MEIG1: variants seen among roughly 807,000 people sequenced by gnomAD.
The protein encoded by MEIG1 is meiosis/spermiogenesis associated 1.
Under a neutral mutation model 11.3 loss-of-function variants are expected in MEIG1, and 12 were observed. The ratio of observed to expected loss-of-function variants is 1.07; its 90% CI spans 0.68 to 1.73. The LOEUF is 1.73. Ranked by LOEUF, MEIG1 falls within the 40% of genes most tolerant of loss-of-function variation. The pLI is 0.00. For synonymous variants in MEIG1, 41 were observed against 33.2 expected, an observed-to-expected ratio of 1.24 and a Z score of -0.81; for missense variants, 119 against 104.9, an observed-to-expected ratio of 1.13 and a Z score of -0.59.
intron 2 of MEIG1, 139 bp from the exon 3 acceptor site, chr10:14,972,374 C>T (rs1235020004): frequency 1.8e-6 from 2 of 1,125,288 alleles, no homozygotes; most frequent in African/African-American, 1.6e-5. Context: ...GGGTATCATA[C>T]TTTAAAAGCT....
chr10:14,981,862 G>T (rs7074147), intron 1 of MEIG1, among the ~76,000 whole-genome samples: 10,992 of 152,212 alleles, frequency 0.072, 572 homozygotes, highest in Middle Eastern at 0.13. Context: ...CTTCTTTGGG[G>T]GGACCCCTCT....
intron 1 of MEIG1, among the ~76,000 whole-genome samples, chr10:14,963,028 C>G (rs1459709284): frequency 6.8e-6 from 1 of 147,744 alleles, no homozygotes; most frequent in Non-Finnish European, 1.5e-5. Context: ...TCCCAGAGTG[C>G]TGGGATTACA....
downstream of MEIG1, among the ~76,000 whole-genome samples, chr10:14,976,607 A>G (rs1238757666): frequency 1.3e-5 from 2 of 152,044 alleles, no homozygotes; most frequent in East Asian, 1.9e-4. Context: ...TTATCGTCCT[A>G]TTCTAGGGAA....
downstream of MEIG1, among the ~76,000 whole-genome samples, chr10:14,974,791 AAC>A (rs1843193301): frequency 6.6e-6 from 1 of 152,054 alleles, no homozygotes; most frequent in Admixed American, 6.6e-5. Flanking sequence ...TTCATTAGAA[AAC>A]AGTCATATTA....
chr10:14,961,803 AT>A (rs869144250), intron 1 of MEIG1, among the ~76,000 whole-genome samples: 1 of 95,466 alleles, frequency 1.0e-5, no homozygotes, highest in East Asian at 2.7e-4. Flanking sequence ...TTATTTATTT[AT>A]TTTTTTAACA....
intron 1 of MEIG1, among the ~76,000 whole-genome samples, chr10:14,961,948 C>T (rs1843019411): frequency 6.6e-6 from 1 of 151,926 alleles, no homozygotes; most frequent in South Asian, 2.1e-4. Context: ...GCTGAGACTA[C>T]AGTCATGGGC....
intron 2 of MEIG1, among the ~76,000 whole-genome samples, chr10:14,969,469 GAAA>G (rs1843125475): frequency 6.6e-6 from 1 of 151,316 alleles, no homozygotes; most frequent in South Asian, 2.1e-4. Context: ...AAGAAAAAAG[GAAA>G]AAAGAAAAGA....
downstream of MEIG1, among the ~76,000 whole-genome samples, chr10:14,977,097 A>G (rs1843217410): frequency 6.6e-6 from 1 of 152,024 alleles, no homozygotes; most frequent in South Asian, 2.1e-4. Flanking sequence ...ACATTGAGAT[A>G]TTATTCATGA....
At chr10:14,980,097 C>T (rs1843249023) in intron 1 of MEIG1, among the ~76,000 whole-genome samples, 1 of 151,956 alleles carries the variant, frequency 6.6e-6, no homozygotes, top group Non-Finnish European at 1.5e-5. Context: ...TTACTAGTGT[C>T]ACCATGCCTG....
chr10:14,963,435 G>A (rs1053524416), intron 1 of MEIG1, among the ~76,000 whole-genome samples: 1 of 152,066 alleles, frequency 6.6e-6, no homozygotes, highest in Non-Finnish European at 1.5e-5. Context: ...TTTTTCCTGT[G>A]TAATATATCT....
chr10:14,954,555 T>G (rs1428893808), upstream of MEIG1: 1 of 207,936 alleles, frequency 4.8e-6, no homozygotes, highest in Non-Finnish European at 1.0e-5. Context: ...TGTATCTGAC[T>G]CATGGTAGAT....
At chr10:14,980,550 T>C (rs1843252777) in intron 1 of MEIG1, among the ~76,000 whole-genome samples, 1 of 152,208 alleles carries the variant, frequency 6.6e-6, no homozygotes, top group Non-Finnish European at 1.5e-5. Context: ...TGAGCTTTTT[T>C]CTTGGACACA....
chr10:14,976,034 C>G (rs1250144590), downstream of MEIG1, among the ~76,000 whole-genome samples: 1 of 152,154 alleles, frequency 6.6e-6, no homozygotes, highest in Non-Finnish European at 1.5e-5. Context: ...ACCGTGGATC[C>G]TAATATCCAG....
intron 1 of MEIG1, among the ~76,000 whole-genome samples, chr10:14,981,115 T>C (rs1564509644): frequency 6.6e-6 from 1 of 152,074 alleles, no homozygotes; most frequent in Admixed American, 6.6e-5. Flanking sequence ...AGAGCTTCTC[T>C]GGTGACCGGG....
In MEIG1 at chr10:14,961,074, T is replaced by A. The variant is rs1843007074; in HGVS notation, c.-30+1517T>A. On this transcript the variant is annotated intron_variant, in intron 1 of 2. Coordinates refer to ENST00000407572, the MANE Select transcript of MEIG1 (RefSeq NM_001080836.3). ...AAATAAAATAACATGCTCCTCAATT[T>A]AACTATGGGATTATGTCCCAATACA... Among the ~76,000 whole-genome samples, 2 of 152,126 alleles carry A rather than the reference T, an allele frequency of 1.3e-5. 1 individual carries two copies. The highest frequency in any genetic ancestry group is 2.9e-5 in the Non-Finnish European group (2 of 68,018).
Position 14,972,457 on chromosome 10 carries a change from T to C in MEIG1, c.139-56T>C, listed in dbSNP as rs181285595. ...TTTTTAACTATTTGATAGTAAAATA[T>C]GAGATAAAAATCAACCCTCCATTGT... On this transcript the variant is annotated intron_variant, in intron 2 of 2. Coordinates refer to ENST00000407572, the MANE Select transcript of MEIG1 (RefSeq NM_001080836.3). 50 of 1,607,064 alleles carry C rather than the reference T, an allele frequency of 3.1e-5. 1 individual carries two copies. The East Asian group carries it at 1.0e-3, about 34-fold the overall frequency.
At chr10:14,974,754 T>C (rs1368136672), downstream of MEIG1, among the ~76,000 whole-genome samples, 1 of 152,116 alleles carries the variant, frequency 6.6e-6, no homozygotes, top group Non-Finnish European at 1.5e-5. Flanking sequence ...TAATGACACC[T>C]GATATTAATA....
At chr10:14,969,835 C>CA (rs1843129903) in intron 2 of MEIG1, among the ~76,000 whole-genome samples, 2 of 152,148 alleles carry the variant, frequency 1.3e-5, no homozygotes. Flanking sequence ...GACTCCCCCA[C>CA]AAAAAATTTG....
At chr10:14,978,005 C>A (rs1213236829) in intron 1 of MEIG1, among the ~76,000 whole-genome samples, 1 of 151,590 alleles carries the variant, frequency 6.6e-6, no homozygotes, top group Non-Finnish European at 1.5e-5. Context: ...GATTGTACAC[C>A]CTGTTCTATT....
Sources: allele counts gnomAD v4.1 joint callset (sites outside exome capture counted in the v4.1 genomes callset), GRCh38; gene constraint gnomAD v4.1.1; transcripts MANE v1.5; gene names NCBI Gene and HGNC (gene_info 2026-07-23, HGNC 2026-07-21).